Variants in HTRA3 observed in about 807,000 individuals in gnomAD.
HTRA3 encodes the protein serine protease HTRA3.
Under a neutral mutation model 43.2 loss-of-function variants are expected in HTRA3, and 41 were observed. The observed-to-expected ratio is 0.95, with a 90% CI of 0.74 to 1.23. The LOEUF is 1.23. Ranked by LOEUF, HTRA3 falls within the 50% of genes most tolerant of loss-of-function variation. The probability of loss-of-function intolerance (pLI) is 0.00; values close to 1 mark genes in which losing one functional copy is unlikely to be tolerated. For synonymous variants in HTRA3, 295 were observed against 287.9 expected (o/e 1.02, Z -0.25); for missense variants, 628 against 647.1 (o/e 0.97, Z 0.32).
intron 2 of HTRA3, among the ~76,000 whole-genome samples, chr4:8,285,026 C>A (rs1265141015): frequency 1.3e-5 from 2 of 152,126 alleles, no homozygotes; most frequent in African/African-American, 4.8e-5. Flanking sequence ...GTGTCCCAGG[C>A]CCCTCTACTG....
At chr4:8,298,919 G>A (rs1015544507) in intron 6 of HTRA3, among the ~76,000 whole-genome samples, 4 of 152,280 alleles carry the variant, frequency 2.6e-5, no homozygotes, top group African/African-American at 9.6e-5. Flanking sequence ...TGAGTCCCCC[G>A]ACTTTATTCT....
intron 8 of HTRA3, 76 bp from the exon 9 acceptor site, chr4:8,305,895 C>T: frequency 1.3e-6 from 2 of 1,535,592 alleles, no homozygotes; most frequent in South Asian, 2.3e-5. Context: ...CCTGACTGTG[C>T]CTCGCTCTGG....
At chr4:8,292,013 G>A (rs1713264851) in intron 4 of HTRA3, among the ~76,000 whole-genome samples, 3 of 152,194 alleles carry the variant, frequency 2.0e-5, no homozygotes, top group African/African-American at 7.2e-5. Flanking sequence ...GGCCCCCCCA[G>A]GCCAGCAGGA....
chr4:8,298,276 C>T (rs1218180370), intron 6 of HTRA3, among the ~76,000 whole-genome samples: 2 of 152,252 alleles, frequency 1.3e-5, no homozygotes, highest in Admixed American at 1.3e-4. Flanking sequence ...CTGACCCCAT[C>T]TCCCACATGG....
rs762165356 is a variant in HTRA3, at chr4:8,292,398, T to C, written c.936+45T>C. 1.2e-5 allele frequency: 18 copies of C among 1,543,024 alleles called. No homozygotes were observed. The East Asian group carries it at 3.6e-4, about 31-fold the overall frequency. ...AAAATCTCTCAGGTTTCTGGGGTTC[T>C]TCTCACATGGGGGTGCTCAGCCTTG... On this transcript the variant is annotated intron_variant, in intron 5 of 8. Coordinates refer to ENST00000307358, the MANE Select transcript of HTRA3 (RefSeq NM_053044.5).
chr4:8,297,963 G>A lies in HTRA3; in HGVS notation c.1051+3762G>A, dbSNP rs1371960154. ...TGTCCCTCTGTCCCTCTGTCCCTCTGGACTTCCCACATGCCTCATCCACTG... is the reference window on the plus strand; with the variant it reads ...TGTCCCTCTGTCCCTCTGTCCCTCTAGACTTCCCACATGCCTCATCCACTG... On this transcript the variant is annotated intron_variant, in intron 6 of 8. Transcript: ENST00000307358. This position sits in a 1 kb window ranked among gnomAD's most constrained non-coding sequence, Gnocchi z 5.8. 2.0e-5 allele frequency among the ~76,000 whole-genome samples: 3 copies of A among 152,122 alleles called. No individual in the cohort carries two copies. The highest frequency in any genetic ancestry group is 7.2e-5 in the African/African-American group (3 of 41,406).
At position 8,295,770 on chromosome 4, in the gene HTRA3, C is replaced by A; in HGVS notation, c.1051+1569C>A. Reference sequence around the variant, plus strand: ...CTCCTCCATGACCCCGTCAGCCAAGCACATGGACCCCAGTGCAGCCAAGGC... The same window carrying A: ...CTCCTCCATGACCCCGTCAGCCAAGAACATGGACCCCAGTGCAGCCAAGGC... On this transcript the variant is annotated intron_variant, in intron 6 of 8. Coordinates refer to ENST00000307358, the MANE Select transcript of HTRA3 (RefSeq NM_053044.5). The surrounding 1 kb of genome is among the most constrained non-coding windows in gnomAD (Gnocchi z 6.9). The A allele has an allele frequency of 1.5e-6, 2 of 1,290,812 alleles. No individual in the cohort carries two copies. The highest frequency in any genetic ancestry group is 2.0e-6 in the Non-Finnish European group (2 of 1,016,152). 80.0% of individuals were successfully genotyped at this position (1,290,812 alleles called of 1,614,324 possible). A position where few individuals can be genotyped will look rare whatever the true frequency, so the allele number is the denominator to read the frequency against.
In HTRA3 at chr4:8,270,192, A is replaced by C; in HGVS notation, c.224A>C (p.Glu75Ala). The change falls in exon 1 of 9, where the codon GAG (glutamate) becomes GCG (alanine). Residue 75 changes from glutamate to alanine, a missense_variant. Transcript: ENST00000307358. The part of the protein sequence containing the change: ...PLDSPCGESL[E>A]CVRGLCRCRW... ...GACTCGCCTTGCGGCGAGAGCCTGGAGTGCGTGCGCGGCCTATGCCGCTGC... is the reference window on the plus strand; with the variant it reads ...GACTCGCCTTGCGGCGAGAGCCTGGCGTGCGTGCGCGGCCTATGCCGCTGC... The C allele has an allele frequency of 6.5e-7, 1 of 1,540,842 alleles. No homozygotes were observed. The highest frequency in any genetic ancestry group is 8.7e-7 in the Non-Finnish European group (1 of 1,156,032).
At position 8,282,434 on chromosome 4, in the gene HTRA3, C is replaced by T; in HGVS notation, c.386-3C>T. On this transcript the variant is annotated splice_region_variant and splice_polypyrimidine_tract_variant and intron_variant, in intron 1 of 8. Coordinates refer to ENST00000307358, the MANE Select transcript of HTRA3 (RefSeq NM_053044.5). Reference sequence around the variant, plus strand: ...ATGCACCTGGCCCTTCCCGCCAGCGCAGGTCTCCACCAGCTGAGCAGCCCG... The same window carrying T: ...ATGCACCTGGCCCTTCCCGCCAGCGTAGGTCTCCACCAGCTGAGCAGCCCG... The T allele has an allele frequency of 6.2e-7, 1 of 1,611,912 alleles. No individual in the cohort carries two copies. Among genetic ancestry groups the T allele is most frequent in the African/African-American group, 1.3e-5 (1 of 74,972 alleles).
intron 1 of HTRA3, among the ~76,000 whole-genome samples, chr4:8,281,013 C>T (rs1712722414): frequency 6.6e-6 from 1 of 152,234 alleles, no homozygotes; most frequent in African/African-American, 2.4e-5. Context: ...TCTCCCCTCC[C>T]AGCCGTGAGT....
At chr4:8,293,769 C>G (rs1047936066) in intron 5 of HTRA3, among the ~76,000 whole-genome samples, 7 of 152,186 alleles carry the variant, frequency 4.6e-5, no homozygotes, top group Non-Finnish European at 1.0e-4. Flanking sequence ...TCCCTCCAAA[C>G]ATGGCTTGGC....
intron 2 of HTRA3, among the ~76,000 whole-genome samples, chr4:8,284,616 G>A (rs533565357): frequency 2.6e-5 from 4 of 152,360 alleles, no homozygotes; most frequent in Non-Finnish European, 4.4e-5. Context: ...TGGGGCTTCC[G>A]CAGGCAAAAC....
chr4:8,294,848 A>T, intron 6 of HTRA3, among the ~76,000 whole-genome samples: 1 of 123,028 alleles, frequency 8.1e-6, no homozygotes, highest in East Asian at 3.1e-4. Flanking sequence ...CCATCCACCT[A>T]TCCATCATCC....
intron 6 of HTRA3, among the ~76,000 whole-genome samples, chr4:8,301,441 TTTATTGAGTCACACTCTCAGCTTTA>T (rs1238651760): frequency 1.6e-4 from 24 of 151,820 alleles, no homozygotes; most frequent in East Asian, 5.8e-4. Flanking sequence ...CACACTCAGC[TTTATTGAGTCACACTCTCAGCTTTA>T]TTATTGAGTC....
At position 8,304,169 on chromosome 4, in the gene HTRA3, G is replaced by A. The variant is rs1713754377; in HGVS notation, c.1101-15G>A. 1.2e-6 allele frequency: 2 copies of A among 1,609,930 alleles called. No individual in the cohort carries two copies. The highest frequency in any genetic ancestry group is 1.7e-5 in the Admixed American group (1 of 59,962). On this transcript the variant is annotated splice_polypyrimidine_tract_variant and intron_variant, in intron 7 of 8. Coordinates refer to ENST00000307358, the MANE Select transcript of HTRA3 (RefSeq NM_053044.5). ...AAGGCTCAGGGGAGGGGCCTTGACG[G>A]CAGACTCTTTCCAGCCTGGTGGATG...
rs537620615 is a variant in HTRA3 at position 8,277,385 on chromosome 4, G to T, written c.386-5052G>T. Among the ~76,000 whole-genome samples the T allele has an allele frequency of 1.4e-3, 218 of 152,334 alleles. 1 individual carries two copies. The highest frequency in any genetic ancestry group is 5.0e-3 in the African/African-American group (207 of 41,580). On this transcript the variant is annotated intron_variant, in intron 1 of 8. Coordinates refer to ENST00000307358, the MANE Select transcript of HTRA3 (RefSeq NM_053044.5). Reference sequence around the variant, plus strand: ...AGAGCATTCATTCGCTCCCTCATTTGCTTCCTGCCCACTGCAGCGGGCCAG... The same window carrying T: ...AGAGCATTCATTCGCTCCCTCATTTTCTTCCTGCCCACTGCAGCGGGCCAG...
At chr4:8,271,432 G>A (rs544202595) in intron 1 of HTRA3, among the ~76,000 whole-genome samples, 174 of 152,258 alleles carry the variant, frequency 1.1e-3, no homozygotes, top group African/African-American at 4.1e-3. Context: ...GGCAGAACAC[G>A]TGACCTCCTC....
Position 8,306,093 on chromosome 4 carries a change from ACGACGACCT to A in HTRA3, c.1321_1329del (p.Asp441_Leu443del). ...CTCCTACTGGAGGTGCGGCGGGGGA[ACGACGACCT>A]CCTCTTCAGCATCGCACCTGAGGTG... On this transcript the variant is annotated inframe_deletion, in exon 9 of 9. Transcript: ENST00000307358. This position sits in a 1 kb window ranked among gnomAD's most constrained non-coding sequence, Gnocchi z 8.9. The A allele has an allele frequency of 6.2e-7, 1 of 1,607,382 alleles. No homozygotes were observed. The highest frequency in any genetic ancestry group is 8.5e-7 in the Non-Finnish European group (1 of 1,175,816).
In HTRA3 at chr4:8,295,899, T is replaced by C. The variant is rs1046140677; in HGVS notation, c.1051+1698T>C. 4.1e-6 allele frequency: 5 copies of C among 1,233,974 alleles called. No individual in the cohort carries two copies. In the East Asian group the frequency reaches 1.6e-4, roughly 39 times the overall value. 76.4% of individuals were successfully genotyped at this position (1,233,974 alleles called of 1,614,324 possible). ...ACAATCTGGAGCCAGGCAGAGCCTG[T>C]CTTTCCCAAAGAAGCTGAAGTCTTC... On this transcript the variant is annotated intron_variant, in intron 6 of 8. Transcript: ENST00000307358. This position sits in a 1 kb window ranked among gnomAD's most constrained non-coding sequence, Gnocchi z 6.9.
Sources: gnomAD v4.1 joint callset for allele counts (sites outside exome capture counted in the v4.1 genomes callset) on GRCh38, gnomAD v4.1.1 for gene constraint, Gnocchi (gnomAD v3.1) non-coding constraint, MANE v1.5 for transcripts, NCBI Gene and HGNC (gene_info 2026-07-23, HGNC 2026-07-21) for gene names.